SLCO3A1: variants seen among roughly 807,000 people sequenced by gnomAD.
SLCO3A1 encodes the protein PGE1 transporter.
In SLCO3A1, 27 loss-of-function variants were observed where a neutral mutation model predicts 63.1. The observed-to-expected ratio is 0.43, with a 90% CI of 0.32 to 0.59. SLCO3A1 has a LOEUF of 0.59. SLCO3A1 is among the 20% of genes least tolerant of loss of function. The pLI is 0.09. For missense variants in SLCO3A1, 773 were observed against 945.8 expected, an observed-to-expected ratio of 0.82 and a Z score of 2.40; for synonymous variants, 473 against 409.9, an observed-to-expected ratio of 1.15 and a Z score of -1.86.
intron 2 of SLCO3A1, among the ~76,000 whole-genome samples, chr15:92,001,214 G>A (rs796534346): frequency 6.4e-5 from 9 of 140,858 alleles, no homozygotes; most frequent in African/African-American, 1.5e-4. Context: ...GTGGGTGGGC[G>A]GGGGGGAGGG....
chr15:91,981,426 G>T (rs947190293), intron 2 of SLCO3A1, among the ~76,000 whole-genome samples: 3 of 152,006 alleles, frequency 2.0e-5, no homozygotes, highest in East Asian at 1.9e-4. Flanking sequence ...TGCCCTTTAT[G>T]CTCCAGCCAC....
intron 3 of SLCO3A1, among the ~76,000 whole-genome samples, chr15:92,095,205 C>T (rs1382109026): frequency 2.0e-5 from 3 of 152,150 alleles, no homozygotes; most frequent in African/African-American, 7.2e-5. Flanking sequence ...GGCTGAATAA[C>T]CCCCAATAGC....
rs535332207 is a variant in SLCO3A1 at position 92,139,648 on chromosome 15, T to G, written c.1513-7336T>G. On this transcript the variant is annotated intron_variant, in intron 7 of 9. Coordinates refer to ENST00000318445, the MANE Select transcript of SLCO3A1 (RefSeq NM_013272.4). ...GTAAACTACTGATTATTGCCACAAT[T>G]TCAGCTCCTGTTATTGGTCTATTCC... Among the ~76,000 whole-genome samples, 5 of 152,344 alleles carry G rather than the reference T, an allele frequency of 3.3e-5. No homozygotes were observed. In the South Asian group the frequency reaches 8.3e-4, roughly 25 times the overall value.
intron 1 of SLCO3A1, among the ~76,000 whole-genome samples, chr15:91,876,702 G>A (rs1273471366): frequency 6.6e-6 from 1 of 152,234 alleles, no homozygotes; most frequent in Admixed American, 6.5e-5. Flanking sequence ...AACTGGAACT[G>A]TTCTCTTTAC....
intron 2 of SLCO3A1, among the ~76,000 whole-genome samples, chr15:92,061,868 C>G (rs4247078): frequency 0.6 from 90,612 of 151,820 alleles, 27,911 homozygotes; most frequent in Admixed American, 0.75. Flanking sequence ...CTTTGGGAGC[C>G]ACAAGGGTTT....
intron 7 of SLCO3A1, among the ~76,000 whole-genome samples, chr15:92,146,608 A>C (rs955747368): frequency 6.6e-6 from 1 of 152,270 alleles, no homozygotes; most frequent in Non-Finnish European, 1.5e-5. Flanking sequence ...ATAACTGCAT[A>C]AAAGAGAGGA....
chr15:91,998,491 A>G (rs2046217447), intron 2 of SLCO3A1, among the ~76,000 whole-genome samples: 10 of 152,146 alleles, frequency 6.6e-5, no homozygotes, highest in Admixed American at 5.9e-4. Context: ...ACATGAACAG[A>G]CACTTCTCAA....
chr15:92,106,756 A>G (rs920984605), intron 4 of SLCO3A1, among the ~76,000 whole-genome samples: 3 of 152,208 alleles, frequency 2.0e-5, no homozygotes, highest in Non-Finnish European at 4.4e-5. Flanking sequence ...GAGAACCGCA[A>G]TAACAAGCAG....
rs557134440 is a variant in SLCO3A1, at chr15:91,897,106, C to T, written c.181-18887C>T. On this transcript the variant is annotated intron_variant, in intron 1 of 9. Transcript: ENST00000318445. This position sits in a 1 kb window ranked among gnomAD's most constrained non-coding sequence, Gnocchi z 4.7. ...GAAAGTTGTGAGAAATCAAAGTAAC[C>T]GTAAGATAAGTTCCTACCACACTAT... Among the ~76,000 whole-genome samples, 6 of 152,148 alleles carry T rather than the reference C, an allele frequency of 3.9e-5. No homozygotes were observed. Among genetic ancestry groups the T allele is most frequent in the South Asian group, 4.2e-4 (2 of 4,818 alleles).
intron 3 of SLCO3A1, 70 bp downstream of exon 3, chr15:92,095,049 C>A: frequency 9.3e-7 from 1 of 1,080,482 alleles, no homozygotes; most frequent in Non-Finnish European, 1.4e-6. Context: ...CGGCTTCAGC[C>A]TGTGGGTTCT....
chr15:91,867,923 G>A (rs1057068283), intron 1 of SLCO3A1, among the ~76,000 whole-genome samples: 4 of 152,228 alleles, frequency 2.6e-5, no homozygotes, highest in Non-Finnish European at 5.9e-5. Context: ...GTTGCTCCAA[G>A]CCTGTGGCCG....
At chr15:91,974,616 G>A (rs1043854135) in intron 2 of SLCO3A1, among the ~76,000 whole-genome samples, 2 of 152,082 alleles carry the variant, frequency 1.3e-5, no homozygotes, top group African/African-American at 2.4e-5. Flanking sequence ...GCAGGGAGGC[G>A]GGAGGTGGGG....
intron 2 of SLCO3A1, among the ~76,000 whole-genome samples, chr15:91,931,736 G>A (rs1330567181): frequency 6.6e-6 from 1 of 151,490 alleles, no homozygotes; most frequent in African/African-American, 2.4e-5. Flanking sequence ...CTCCCAAAGT[G>A]CTGGGATTAT....
intron 2 of SLCO3A1, among the ~76,000 whole-genome samples, chr15:92,027,226 G>A (rs550417570): frequency 6.6e-6 from 1 of 152,306 alleles, no homozygotes; most frequent in East Asian, 1.9e-4. Context: ...GGTCGGTATT[G>A]TGACAATAAA....
chr15:91,931,801 G>GCACA (rs747533145), intron 2 of SLCO3A1, among the ~76,000 whole-genome samples: 23 of 149,884 alleles, frequency 1.5e-4, no homozygotes, highest in African/African-American at 3.7e-4. Context: ...ACACACACAC[G>GCACA]CACACACACA....
chr15:92,083,156 G>T (rs1413662353), intron 2 of SLCO3A1, among the ~76,000 whole-genome samples: 1 of 152,194 alleles, frequency 6.6e-6, no homozygotes, highest in Non-Finnish European at 1.5e-5. Flanking sequence ...TCACCCGTGT[G>T]TACCAGCCCT....
At chr15:92,102,557 G>T (rs1484466161) in intron 3 of SLCO3A1, among the ~76,000 whole-genome samples, 1 of 124,080 alleles carries the variant, frequency 8.1e-6, no homozygotes, top group African/African-American at 3.0e-5. Flanking sequence ...TCACATGCTA[G>T]TAAGTGGCAG....
At chr15:91,927,642 C>T (rs968998544) in intron 2 of SLCO3A1, among the ~76,000 whole-genome samples, 2 of 152,110 alleles carry the variant, frequency 1.3e-5, no homozygotes, top group African/African-American at 4.8e-5. Context: ...TACTTTTCTC[C>T]CTTTCTCTCT....
chr15:91,889,008 TAA>T (rs35585843), intron 1 of SLCO3A1: 154 of 334,016 alleles, frequency 4.6e-4, no homozygotes, highest in Middle Eastern at 9.9e-4. Flanking sequence ...AGACTGTCTC[TAA>T]AAAAAAAAAA....
Sources: gnomAD v4.1 joint callset for allele counts (sites outside exome capture counted in the v4.1 genomes callset) on GRCh38, gnomAD v4.1.1 for gene constraint, Gnocchi (gnomAD v3.1) non-coding constraint, MANE v1.5 for transcripts, NCBI Gene and HGNC (gene_info 2026-07-23, HGNC 2026-07-21) for gene names.